The following PAX3 variants were observed in gnomAD, a reference collection of about 807,000 sequenced individuals.
PAX3 encodes the protein paired box 3, also known as paired box protein Pax-3.
In PAX3, 14 loss-of-function variants were observed where a neutral mutation model predicts 51.6. The observed-to-expected ratio is 0.27, with a 90% CI of 0.18 to 0.42. The LOEUF (loss-of-function observed/expected upper bound fraction) is 0.42. Ranked by LOEUF, PAX3 falls within the 10% of genes least tolerant of loss-of-function variation. PAX3 has a pLI of 1.00. For missense variants in PAX3, 540 were observed against 642.8 expected (o/e 0.84, Z 1.73); for synonymous variants, 280 against 253.4 (o/e 1.11, Z -1.00).
At chr2:222,296,799 A>G (rs1029904121) in intron 2 of PAX3, among the ~76,000 whole-genome samples, 179 bp downstream of exon 2, 2 of 152,266 alleles carry the variant, frequency 1.3e-5, no homozygotes, top group African/African-American at 2.4e-5. Context: ...GTGTTCATCA[A>G]GAAGTGTCCA....
chr2:222,269,495 C>T (rs1408167796), intron 4 of PAX3, among the ~76,000 whole-genome samples: 1 of 152,140 alleles, frequency 6.6e-6, no homozygotes, highest in Admixed American at 6.5e-5. Flanking sequence ...CTAAAGGCTT[C>T]GTGAAGAGGA....
intron 4 of PAX3, among the ~76,000 whole-genome samples, chr2:222,276,150 A>C (rs1448411478): frequency 6.6e-6 from 1 of 152,190 alleles, no homozygotes; most frequent in African/African-American, 2.4e-5. Flanking sequence ...CCTCCTGTGT[A>C]GCAATTCTAA....
chr2:222,209,684 A>C, intron 7 of PAX3, among the ~76,000 whole-genome samples: 2 of 129,152 alleles, frequency 1.5e-5, no homozygotes, highest in Non-Finnish European at 1.6e-5. Context: ...ATACAGCAAA[A>C]CTCTGTCTCT....
intron 5 of PAX3, among the ~76,000 whole-genome samples, chr2:222,229,238 A>C (rs1692495298): frequency 6.7e-6 from 1 of 150,278 alleles, no homozygotes; most frequent in African/African-American, 2.4e-5. Context: ...TTAATATCAT[A>C]ACATTGATAT....
chr2:222,297,309 A>G, intron 1 of PAX3, 96 bp from the exon 2 acceptor site: 1 of 900,476 alleles, frequency 1.1e-6, no homozygotes, highest in African/African-American at 1.6e-5. Context: ...CTTCTGTCCT[A>G]TCCTCATGTT....
chr2:222,262,070 G>C (rs1350303402), intron 4 of PAX3, among the ~76,000 whole-genome samples: 1 of 152,204 alleles, frequency 6.6e-6, no homozygotes, highest in African/African-American at 2.4e-5. Flanking sequence ...GTATTGGAAT[G>C]CCAGATAAGT....
In PAX3 at chr2:222,232,259, C is replaced by T; in HGVS notation, c.611G>A (p.Gly204Asp). 1.2e-6 allele frequency: 2 copies of T among 1,613,794 alleles called. No homozygotes were observed. The highest frequency in any genetic ancestry group is 1.7e-6 in the Non-Finnish European group (2 of 1,179,786). Residue 204 changes from glycine (G) to aspartate (D), a missense_variant, in exon 5 of 9, where the codon GGC (glycine) becomes GAC (aspartate). Transcript: ENST00000392070. ...ERASAPQSDE[G>D]SDIDSEPDLP... ...ATCTGGTTCAGAGTCAATATCAGAG[C>T]CTTCATCTGATTGGGGTGCTGAGGC...
chr2:222,207,720 A>T (rs1574627631), intron 7 of PAX3, among the ~76,000 whole-genome samples: 1 of 152,284 alleles, frequency 6.6e-6, no homozygotes, highest in South Asian at 2.1e-4. Context: ...ATTGCTCAAT[A>T]GAGCTAAGTG....
intron 5 of PAX3, among the ~76,000 whole-genome samples, chr2:222,227,432 C>T (rs1692426314): frequency 1.3e-5 from 2 of 151,982 alleles, no homozygotes; most frequent in Admixed American, 6.6e-5. Context: ...CGCATCTCTA[C>T]AATACAAAAA....
chr2:222,251,150 A>C (rs1264830592), intron 4 of PAX3, among the ~76,000 whole-genome samples: 1 of 152,076 alleles, frequency 6.6e-6, no homozygotes, highest in South Asian at 2.1e-4. Flanking sequence ...CATGTGCACA[A>C]CGTGCAGGTT....
chr2:222,200,888 A>T lies in PAX3; in HGVS notation c.*520T>A. ...TTTCAATTTCCAGTGTGTAAGAGTC[A>T]AGGATTCCTCCATTCTTGCTTCATG... On this transcript the variant is annotated 3_prime_UTR_variant, in exon 9 of 9. Transcript: ENST00000392070. The T allele has an allele frequency of 2.0e-6, 1 of 492,510 alleles. No homozygotes were observed. The allele number at this position is 492,510 out of a possible 1,614,324, so 30.5% of individuals were successfully genotyped here.
At chr2:222,270,614 A>G (rs1218322195) in intron 4 of PAX3, among the ~76,000 whole-genome samples, 2 of 152,236 alleles carry the variant, frequency 1.3e-5, no homozygotes, top group Admixed American at 6.5e-5. Flanking sequence ...GAAAAAGGGC[A>G]GCAAATAAAT....
At chr2:222,235,367 A>G (rs1692762080) in intron 4 of PAX3, among the ~76,000 whole-genome samples, 1 of 152,122 alleles carries the variant, frequency 6.6e-6, no homozygotes, top group Admixed American at 6.6e-5. Context: ...CAAATTTCAG[A>G]TTTGCTCCAA....
rs749889793 is a variant in PAX3, at chr2:222,295,673, C to A, written c.322-16G>T. On this transcript the variant is annotated splice_polypyrimidine_tract_variant and intron_variant, in intron 2 of 8. Coordinates refer to ENST00000392070, the MANE Select transcript of PAX3 (RefSeq NM_181458.4). ...TTGTCACCTGCTTTAAGAGAACAGG[C>A]GGGCAGGCGTTGGTACCCGGTACCC... 10 of 1,613,832 alleles carry A rather than the reference C, an allele frequency of 6.2e-6. No individual in the cohort carries two copies. Among genetic ancestry groups the A allele is most frequent in the East Asian group, 4.5e-5 (2 of 44,898 alleles).
At chr2:222,259,414 A>C (rs975865470) in intron 4 of PAX3, among the ~76,000 whole-genome samples, 1 of 152,236 alleles carries the variant, frequency 6.6e-6, no homozygotes, top group Non-Finnish European at 1.5e-5. Context: ...GTACAAAACA[A>C]ATAAGCACTT....
chr2:222,287,065 G>A (rs977047674), intron 4 of PAX3, among the ~76,000 whole-genome samples: 1 of 152,224 alleles, frequency 6.6e-6, no homozygotes, highest in Non-Finnish European at 1.5e-5. Flanking sequence ...TCCTAAAGGA[G>A]AGGTGTTCTG....
rs180785133 is a variant in PAX3 at position 222,200,637 on chromosome 2, A to G, written c.*771T>C. On this transcript the variant is annotated 3_prime_UTR_variant, in exon 9 of 9. Transcript: ENST00000392070. ...CTCCACCGTGCCCTTCCTCCAACCC[A>G]GGTGGGCTACCAAATAAATGTGAAC... The G allele has an allele frequency of 5.9e-3, 1,479 of 252,516 alleles. 10 individuals carry two copies. Among genetic ancestry groups the G allele is most frequent in the Admixed American group, 0.011 (232 of 20,784 alleles). The allele number at this position is 252,516 out of a possible 1,614,324, so 15.6% of individuals were successfully genotyped here.
intron 4 of PAX3, among the ~76,000 whole-genome samples, chr2:222,241,621 A>C (rs1693018699): frequency 6.6e-6 from 1 of 152,236 alleles, no homozygotes; most frequent in Non-Finnish European, 1.5e-5. Context: ...GCATTATAAG[A>C]GATAAATCAT....
chr2:222,219,660 A>T (rs1481368881), intron 7 of PAX3, among the ~76,000 whole-genome samples: 1 of 152,134 alleles, frequency 6.6e-6, no homozygotes, highest in African/African-American at 2.4e-5. Context: ...TCTCCACAGG[A>T]CTTGTTTGCT....
Sources: allele counts gnomAD v4.1 joint callset (sites outside exome capture counted in the v4.1 genomes callset), GRCh38; gene constraint gnomAD v4.1.1; transcripts MANE v1.5; gene names NCBI Gene and HGNC (gene_info 2026-07-23, HGNC 2026-07-21).